The following DLG4 variants were observed in gnomAD, a reference collection of about 807,000 sequenced individuals.
DLG4 encodes discs large MAGUK scaffold protein 4.
Under a neutral mutation model 93.8 loss-of-function variants are expected in DLG4, and 7 were observed. The ratio of observed to expected loss-of-function variants is 0.07; its 90% CI spans 0.04 to 0.14. The LOEUF is 0.14. Ranked by LOEUF, DLG4 falls within the 10% of genes least tolerant of loss-of-function variation. DLG4 has a pLI of 1.00. For synonymous variants in DLG4, 341 were observed against 387.6 expected (o/e 0.88, Z 1.41); for missense variants, 545 against 992.9 (o/e 0.55, Z 6.06).
In DLG4 at chr17:7,192,965, C is replaced by T; in HGVS notation, c.1846G>A (p.Val616Met). The T allele has an allele frequency of 6.2e-7, 1 of 1,613,378 alleles. No homozygotes were observed. Among genetic ancestry groups the T allele is most frequent in the Non-Finnish European group, 8.5e-7 (1 of 1,179,566 alleles). The change falls in exon 17 of 20, where the codon GTG (valine) becomes ATG (methionine). Residue 616 changes from valine to methionine, a missense_variant. Physicochemically the swap from Val to Met is conservative, Grantham distance 21. Around this residue, in one of 5 missense-constraint regions of DLG4, gnomAD observed 428 missense variants for 741.4 expected, o/e 0.58. Transcript: ENST00000399506. ...CCTACCTGCTCTGCCACCTCTCGCA[C>T]GGACTGGACGCTGGTCCCATAGAGG... ...SHLYGTSVQS[V>M]REVAEQGKHC...
At chr17:7,216,375 A>C (rs2070916775) in intron 1 of DLG4, among the ~76,000 whole-genome samples, 1 of 151,278 alleles carries the variant, frequency 6.6e-6, no homozygotes, top group African/African-American at 2.4e-5. Context: ...TAAGCCTCTC[A>C]TCCTCCTCCT....
intron 1 of DLG4, 28 bp downstream of exon 1, chr17:7,217,090 C>T: frequency 3.9e-6 from 5 of 1,284,322 alleles, no homozygotes; most frequent in Non-Finnish European, 4.9e-6. Flanking sequence ...ACCCTCCCCC[C>T]AGTTTATAGC....
At position 7,204,132 on chromosome 17, in the gene DLG4, C is replaced by T. The variant is rs1463236887; in HGVS notation, c.151-65G>A. 6.9e-6 allele frequency: 11 copies of T among 1,599,834 alleles called. No individual in the cohort carries two copies. In the African/African-American group the frequency reaches 1.2e-4, roughly 18 times the overall value. On this transcript the variant is annotated intron_variant, in intron 3 of 19. Transcript: ENST00000399506. ...TCCTGTCTGACCACCTGCCCGTCAT[C>T]TGCTGCCCTCCCTTACTCCCTCCTT...
chr17:7,213,665 G>A (rs2070795153), intron 1 of DLG4: 2 of 436,028 alleles, frequency 4.6e-6, no homozygotes, highest in Non-Finnish European at 9.6e-6. Flanking sequence ...TAACCTGAAA[G>A]CCTCTCTTCC....
intron 1 of DLG4, among the ~76,000 whole-genome samples, chr17:7,213,290 G>A (rs1449371313): frequency 2.0e-5 from 3 of 151,782 alleles, no homozygotes; most frequent in African/African-American, 7.3e-5. Context: ...AGTAGAGACG[G>A]GGTATCGCCA....
At chr17:7,190,961 CTCT>C in intron 19 of DLG4, 147 bp from the exon 20 acceptor site, 7 of 540,562 alleles carry the variant, frequency 1.3e-5, no homozygotes, top group Non-Finnish European at 2.2e-5. Flanking sequence ...ACAGGGGCAC[CTCT>C]TTTTTTTTTT....
intron 1 of DLG4, among the ~76,000 whole-genome samples, chr17:7,212,840 C>T (rs904253151): frequency 3.3e-5 from 5 of 152,032 alleles, no homozygotes; most frequent in Non-Finnish European, 5.9e-5. Flanking sequence ...CCAGACCAGC[C>T]TGGCCAAGAT....
At position 7,190,803 on chromosome 17, in the gene DLG4, C is replaced by T. The variant is rs1490423519; in HGVS notation, c.2080G>A (p.Gly694Ser). 6.2e-7 allele frequency: 1 copy of T among 1,613,140 alleles called. No individual in the cohort carries two copies. Among genetic ancestry groups the T allele is most frequent in the Non-Finnish European group, 8.5e-7 (1 of 1,179,566 alleles). Residue 694 changes from glycine to serine, a missense_variant, in exon 20 of 20, where the codon GGT (glycine) becomes AGT (serine). Coordinates refer to ENST00000399506, the MANE Select transcript of DLG4 (RefSeq NM_001321075.3). ...TGGTAGATCTCCTCAAAGCTGTCAC[C>T]CTCCACGATGGCTGGGAGTGGGGTG... The part of the protein sequence containing the change: ...FTECFSAIVE[G>S]DSFEEIYHKV...
At chr17:7,209,528 G>A (rs902246436) in intron 1 of DLG4, among the ~76,000 whole-genome samples, 1 of 152,244 alleles carries the variant, frequency 6.6e-6, no homozygotes, top group Non-Finnish European at 1.5e-5. Context: ...CACTTTGGGA[G>A]GCTGAGGCAG....
rs76108593 is a variant in DLG4 at position 7,211,609 on chromosome 17, G to A, written c.31-3370C>T. 7,407 of 803,476 alleles carry A rather than the reference G, an allele frequency of 9.2e-3. 39 individuals are homozygous for A. Among genetic ancestry groups the A allele is most frequent in the Middle Eastern group, 0.011 (18 of 1,610 alleles). 49.8% of individuals were successfully genotyped at this position (803,476 alleles called of 1,614,324 possible). On this transcript the variant is annotated intron_variant, in intron 1 of 19. Coordinates refer to ENST00000399506, the MANE Select transcript of DLG4 (RefSeq NM_001321075.3). ...TTGAAGCTTGCACCCTGATATTTGC[G>A]GGGGTCCGGGAAGGGGGAGCGGGCC...
Position 7,196,489 on chromosome 17 carries a change from A to G in DLG4, c.1170T>C (p.Ala390=). 6.2e-7 allele frequency: 1 copy of G among 1,613,944 alleles called. No homozygotes were observed. Among genetic ancestry groups the G allele is most frequent in the Non-Finnish European group, 8.5e-7 (1 of 1,179,876 alleles). ...KNAGQTVTII[A]QYKPEEYSRF... is the part of the protein sequence containing the mutation. ...GCCTGGTACCTTCTGGTTTATACTG[A>G]GCGATGATCGTGACCGTCTGACCCG... The change falls in exon 10 of 20, where the codon GCT becomes GCC. Residue 390 remains alanine (A), a synonymous_variant. Coordinates refer to ENST00000399506, the MANE Select transcript of DLG4 (RefSeq NM_001321075.3). The surrounding 1 kb of genome is among the most constrained non-coding windows in gnomAD (Gnocchi z 8.3).
intron 2 of DLG4, chr17:7,207,954 CG>C: frequency 2.2e-6 from 2 of 910,486 alleles, no homozygotes; most frequent in Non-Finnish European, 2.8e-6. Context: ...CCCAAACCCC[CG>C]CCCCCAGTCC....
Position 7,217,319 on chromosome 17 carries a change from G to A in DLG4, c.-172C>T. 1 of 968,932 alleles carries A rather than the reference G, an allele frequency of 1.0e-6. No homozygotes were observed. The highest frequency in any genetic ancestry group is 1.4e-6 in the Non-Finnish European group (1 of 736,246). 60.0% of individuals were successfully genotyped at this position (968,932 alleles called of 1,614,324 possible). ...GAGGGGGTTGGAGAAGGGAAGGGGA[G>A]GGGAGCGTGGGAGGGAGGGGAAGGG... On this transcript the variant is annotated 5_prime_UTR_variant, in exon 1 of 20. Coordinates refer to ENST00000399506, the MANE Select transcript of DLG4 (RefSeq NM_001321075.3).
At chr17:7,209,337 G>A (rs963492377) in intron 1 of DLG4, among the ~76,000 whole-genome samples, 1 of 152,150 alleles carries the variant, frequency 6.6e-6, no homozygotes, top group African/African-American at 2.4e-5. Context: ...GGGTCCTTCC[G>A]TGTCCGCCTC....
chr17:7,219,698 G>A (rs1203871186), upstream of DLG4: 1 of 1,383,148 alleles, frequency 7.2e-7, no homozygotes, highest in Non-Finnish European at 9.4e-7. Flanking sequence ...TTCCTCTTCT[G>A]TCCCATCCTA....
At chr17:7,192,864 G>A (rs1376310430) in intron 17 of DLG4, 81 bp downstream of exon 17, 1 of 1,427,340 alleles carries the variant, frequency 7.0e-7, no homozygotes, top group Non-Finnish European at 9.4e-7. Flanking sequence ...CAGAGAGAGA[G>A]AGAGTTAGAG....
In DLG4 at chr17:7,203,671, A is replaced by G. The variant is rs2070286117; in HGVS notation, c.335+21T>C. 1 of 1,613,266 alleles carries G rather than the reference A, an allele frequency of 6.2e-7. No homozygotes were observed. The highest frequency in any genetic ancestry group is 1.7e-5 in the Admixed American group (1 of 59,942). On this transcript the variant is annotated intron_variant, in intron 5 of 19. Coordinates refer to ENST00000399506, the MANE Select transcript of DLG4 (RefSeq NM_001321075.3). The surrounding 1 kb of genome is among the most constrained non-coding windows in gnomAD (Gnocchi z 7.2). ...CCCTCTCCAGGGACCAAGCAACCTAACCCCTGTCTCCTCTCCCCACCTGAG... is the reference window on the plus strand; with the variant it reads ...CCCTCTCCAGGGACCAAGCAACCTAGCCCCTGTCTCCTCTCCCCACCTGAG...
intron 1 of DLG4, among the ~76,000 whole-genome samples, chr17:7,214,917 G>A (rs1256914508): frequency 6.6e-6 from 1 of 152,298 alleles, no homozygotes; most frequent in Non-Finnish European, 1.5e-5. Context: ...AAATTACTGC[G>A]GCAGGAGTCT....
chr17:7,197,292 C>T (rs1306114464), intron 8 of DLG4, among the ~76,000 whole-genome samples: 1 of 152,004 alleles, frequency 6.6e-6, no homozygotes, highest in Non-Finnish European at 1.5e-5. Context: ...TATATGTCCT[C>T]AGTATGCCAG....
Sources: gnomAD v4.1 joint callset for allele counts (sites outside exome capture counted in the v4.1 genomes callset) on GRCh38, gnomAD v4.1.1 for gene constraint, gnomAD v4.1.1 regional missense constraint, Gnocchi (gnomAD v3.1) non-coding constraint, MANE v1.5 for transcripts, NCBI Gene and HGNC (gene_info 2026-07-23, HGNC 2026-07-21) for gene names.